Variants in PRKG1 observed in about 807,000 individuals in gnomAD.
PRKG1 encodes the protein protein kinase cGMP-dependent 1.
In PRKG1, 35 loss-of-function variants were observed where a neutral mutation model predicts 88.1. That is an observed-to-expected ratio of 0.40 (90% CI 0.30 to 0.53). The LOEUF is 0.53. Among genes scored for constraint, PRKG1 ranks in the 20% least tolerant of loss-of-function variants. The pLI is 0.59. For missense variants in PRKG1, 540 were observed against 839.8 expected, an observed-to-expected ratio of 0.64 and a Z score of 4.41; for synonymous variants, 303 against 292.5, an observed-to-expected ratio of 1.04 and a Z score of -0.37.
At chr10:52,044,619 A>G (rs1845822573) in intron 5 of PRKG1, among the ~76,000 whole-genome samples, 1 of 152,166 alleles carries the variant, frequency 6.6e-6, no homozygotes, top group African/African-American at 2.4e-5. Flanking sequence ...ACTTGGGTCT[A>G]GTACACACAT....
At chr10:51,305,224 G>A (rs917307494) in intron 2 of PRKG1, among the ~76,000 whole-genome samples, 1 of 152,098 alleles carries the variant, frequency 6.6e-6, no homozygotes, top group African/African-American at 2.4e-5. Flanking sequence ...CAAAAGTAGA[G>A]TTTCAGAGCA....
At chr10:52,287,558 T>A (rs1842146299) in intron 14 of PRKG1, among the ~76,000 whole-genome samples, 1 of 152,040 alleles carries the variant, frequency 6.6e-6, no homozygotes, top group African/African-American at 2.4e-5. Context: ...AAGAGAGTAA[T>A]TAATTTCCAA....
chr10:52,291,515 T>C (rs1842245379), intron 17 of PRKG1, among the ~76,000 whole-genome samples: 1 of 151,392 alleles, frequency 6.6e-6, no homozygotes, highest in South Asian at 2.1e-4. Flanking sequence ...GTTTGGTTTT[T>C]TGTTCTTGCG....
chr10:51,095,245 C>A (rs533791323), intron 1 of PRKG1, among the ~76,000 whole-genome samples: 3 of 152,076 alleles, frequency 2.0e-5, no homozygotes, highest in East Asian at 3.8e-4. Context: ...TTTCGGGATG[C>A]TTCTAAATTA....
At chr10:51,631,013 G>T (rs1839511643) in intron 3 of PRKG1, among the ~76,000 whole-genome samples, 1 of 152,150 alleles carries the variant, frequency 6.6e-6, no homozygotes, top group Non-Finnish European at 1.5e-5. Context: ...TCTCCATGTG[G>T]CAAAGCAGTT....
chr10:52,272,323 C>CTTGTTG (rs1324885921), intron 11 of PRKG1, 69 bp from the exon 12 acceptor site: 2 of 1,216,510 alleles, frequency 1.6e-6, no homozygotes, highest in African/African-American at 3.1e-5. Flanking sequence ...AATCTGGGCC[C>CTTGTTG]CCCAAAATTG....
At chr10:51,618,857 C>T (rs1279612128) in intron 3 of PRKG1, among the ~76,000 whole-genome samples, 1 of 151,980 alleles carries the variant, frequency 6.6e-6, no homozygotes, top group Admixed American at 6.6e-5. Flanking sequence ...CAACTTCCGC[C>T]TCCTGGGTTC....
chr10:51,096,196 G>C (rs1298589468), intron 1 of PRKG1, among the ~76,000 whole-genome samples: 1 of 151,994 alleles, frequency 6.6e-6, no homozygotes, highest in African/African-American at 2.4e-5. Flanking sequence ...GAGGAGGGAG[G>C]TGAAAGAAGG....
At chr10:51,805,757 T>C (rs1012431790) in intron 4 of PRKG1, among the ~76,000 whole-genome samples, 2 of 152,148 alleles carry the variant, frequency 1.3e-5, no homozygotes, top group Admixed American at 6.6e-5. Flanking sequence ...ATTTATTTTC[T>C]TACTGCTTCA....
At chr10:51,941,284 A>G (rs1032869650) in intron 5 of PRKG1, among the ~76,000 whole-genome samples, 3 of 152,002 alleles carry the variant, frequency 2.0e-5, no homozygotes, top group African/African-American at 7.3e-5. Context: ...TTAAGCACCA[A>G]CTATGAGACT....
At chr10:52,045,304 A>G (rs1357662622) in intron 5 of PRKG1, among the ~76,000 whole-genome samples, 2 of 151,920 alleles carry the variant, frequency 1.3e-5, no homozygotes, top group Non-Finnish European at 2.9e-5. Flanking sequence ...AGGGCTTTAA[A>G]TACTAATGGG....
intron 5 of PRKG1, among the ~76,000 whole-genome samples, chr10:52,022,931 T>A (rs1257705069): frequency 6.6e-6 from 1 of 152,186 alleles, no homozygotes; most frequent in African/African-American, 2.4e-5. Flanking sequence ...GTTTTTTTAA[T>A]TATACTTTAA....
At chr10:52,075,293 G>A (rs1023463601) in intron 7 of PRKG1, among the ~76,000 whole-genome samples, 2 of 152,138 alleles carry the variant, frequency 1.3e-5, no homozygotes, top group Admixed American at 6.5e-5. Context: ...ACGTTCATAC[G>A]TTGTAAGACG....
At chr10:51,893,942 A>G (rs1430964931) in intron 4 of PRKG1, among the ~76,000 whole-genome samples, 1 of 152,154 alleles carries the variant, frequency 6.6e-6, no homozygotes, top group Non-Finnish European at 1.5e-5. Context: ...AGAGGAGACA[A>G]ATATACCAAC....
intron 3 of PRKG1, among the ~76,000 whole-genome samples, chr10:51,587,540 TC>T (rs1838203573): frequency 6.6e-6 from 1 of 152,176 alleles, no homozygotes; most frequent in Admixed American, 6.6e-5. Flanking sequence ...GCTATTGAAT[TC>T]CAATACATTA....
intron 1 of PRKG1, among the ~76,000 whole-genome samples, chr10:51,029,777 G>A (rs1336360203): frequency 6.6e-6 from 1 of 152,108 alleles, no homozygotes; most frequent in Non-Finnish European, 1.5e-5. Flanking sequence ...GCTTTGATAT[G>A]AGTGCAAAAC....
chr10:51,766,500 A>G (rs1838167989), intron 3 of PRKG1, among the ~76,000 whole-genome samples: 1 of 152,112 alleles, frequency 6.6e-6, no homozygotes, highest in African/African-American at 2.4e-5. Context: ...GCCCCACACC[A>G]TGCAAGTTTC....
intron 1 of PRKG1, among the ~76,000 whole-genome samples, chr10:51,141,861 T>C (rs1449697513): frequency 6.6e-6 from 1 of 152,208 alleles, no homozygotes; most frequent in Non-Finnish European, 1.5e-5. Flanking sequence ...TAATGTTTGG[T>C]ATCTTATATT....
chr10:51,381,837 A>T lies in PRKG1; in HGVS notation c.479-85886A>T, dbSNP rs180785645. ...TTTTAGCTTGATTGTTTATAATTGC[A>T]TTACATGGAAGTCCTATCATACAAC... On this transcript the variant is annotated intron_variant, in intron 2 of 17. Transcript: ENST00000373980. 4.3e-3 allele frequency among the ~76,000 whole-genome samples: 654 copies of T among 152,292 alleles called. 6 individuals carry two copies. The highest frequency in any genetic ancestry group is 0.015 in the African/African-American group (610 of 41,546).
Sources: allele counts gnomAD v4.1 joint callset (sites outside exome capture counted in the v4.1 genomes callset), GRCh38; gene constraint gnomAD v4.1.1; transcripts MANE v1.5; gene names NCBI Gene and HGNC (gene_info 2026-07-23, HGNC 2026-07-21).